The following ATG2A variants were observed in gnomAD, a reference collection of about 807,000 sequenced individuals.
ATG2A encodes autophagy related 2A.
Under a neutral mutation model 214.2 loss-of-function variants are expected in ATG2A, and 103 were observed. The ratio of observed to expected loss-of-function variants is 0.48; its 90% CI spans 0.41 to 0.57. The LOEUF (loss-of-function observed/expected upper bound fraction) is 0.57. Ranked by LOEUF, ATG2A falls within the 20% of genes least tolerant of loss-of-function variation. The pLI is 0.00. For missense variants in ATG2A, 2,312 were observed against 2,613.2 expected (o/e 0.88, Z 2.51); for synonymous variants, 1,160 against 1,142.1 (o/e 1.02, Z -0.32).
chr11:64,906,635 C>A (rs1944563548), intron 20 of ATG2A, 30 bp downstream of exon 20: 1 of 1,612,566 alleles, frequency 6.2e-7, no homozygotes, highest in Non-Finnish European at 8.5e-7. Flanking sequence ...ACCCTGGACC[C>A]CAGTGGTGAC....
chr11:64,906,952 G>A, intron 19 of ATG2A, 137 bp from the exon 20 acceptor site: 3 of 1,140,050 alleles, frequency 2.6e-6, no homozygotes, highest in Non-Finnish European at 3.6e-6. Flanking sequence ...TGGAGGCCCT[G>A]GATGGCACTT....
At chr11:64,911,792 T>TC (rs1218873175) in intron 9 of ATG2A, 50 bp downstream of exon 9, 1 of 1,607,700 alleles carries the variant, frequency 6.2e-7, no homozygotes, top group African/African-American at 1.3e-5. Context: ...CACTAAGGCC[T>TC]CTTCCAGTCC....
chr11:64,905,438 C>T (rs956349025), intron 24 of ATG2A, 125 bp downstream of exon 24: 1 of 1,090,450 alleles, frequency 9.2e-7, no homozygotes. Context: ...AAACAATCCA[C>T]ATTCCTGAGA....
In ATG2A at chr11:64,903,762, C is replaced by T. The variant is rs1944443978; in HGVS notation, c.3465-102G>A. The stretch of plus-strand genomic sequence containing the variant: ...CCAAGCCCACAGGAGGTGGTATGGA[C>T]AGGCCCCTCCAGCCTCAGCGTTCCT... On this transcript the variant is annotated intron_variant, in intron 24 of 40. Transcript: ENST00000377264. The surrounding 1 kb of genome is among the most constrained non-coding windows in gnomAD (Gnocchi z 4.2). 8.9e-7 allele frequency: 1 copy of T among 1,118,182 alleles called. No homozygotes were observed. Among genetic ancestry groups the T allele is most frequent in the Non-Finnish European group, 1.3e-6 (1 of 790,532 alleles). The allele number at this position is 1,118,182 out of a possible 1,614,324, so 69.3% of individuals were successfully genotyped here. A position where few individuals can be genotyped will look rare whatever the true frequency, so the allele number is the denominator to read the frequency against.
At chr11:64,896,152 C>T (rs1174458461) in intron 39 of ATG2A, among the ~76,000 whole-genome samples, 2 of 152,234 alleles carry the variant, frequency 1.3e-5, no homozygotes, top group Non-Finnish European at 2.9e-5. Context: ...GCCTCAGATT[C>T]TTAGTCTGCA....
In ATG2A at chr11:64,898,784, C is replaced by G; in HGVS notation, c.4523G>C (p.Ser1508Thr). 1 of 1,613,778 alleles carries G rather than the reference C, an allele frequency of 6.2e-7. No homozygotes were observed. The highest frequency in any genetic ancestry group is 8.5e-7 in the Non-Finnish European group (1 of 1,180,028). The change falls in exon 32 of 41, where the codon AGC (serine) becomes ACC (threonine). Residue 1508 changes from serine (S) to threonine (T), a missense_variant. Physicochemically the swap from Ser to Thr is moderately conservative, Grantham distance 58. Coordinates refer to ENST00000377264, the MANE Select transcript of ATG2A (RefSeq NM_015104.3). The surrounding 1 kb of genome is among the most constrained non-coding windows in gnomAD (Gnocchi z 4.5). ...CAGCGGTCGCTCCTCCAGCTCCTGG[C>G]TGGGGGCCGCAGGGCCTGTGGCTGG... ...AEPATGPAAP[S>T]QELEERPLSR...
intron 37 of ATG2A, 200 bp downstream of exon 37, chr11:64,897,212 G>C (rs139099606): frequency 2.6e-5 from 17 of 653,140 alleles, no homozygotes; most frequent in Admixed American, 5.9e-5. Flanking sequence ...GAGACGGGGG[G>C]GTTTCACCAT....
At chr11:64,908,843 G>T in intron 16 of ATG2A, 148 bp downstream of exon 16, 1 of 845,272 alleles carries the variant, frequency 1.2e-6, no homozygotes, top group Non-Finnish European at 1.8e-6. Context: ...GAATGGAAGA[G>T]CCGAAATCCT....
rs77802938 is a variant in ATG2A, at chr11:64,895,377, A to G, written c.5493T>C (p.Asp1831=). The G allele has an allele frequency of 0.046, 74,488 of 1,612,430 alleles. 2,221 individuals carry two copies. Among genetic ancestry groups the G allele is most frequent in the African/African-American group, 0.1 (7,604 of 75,012 alleles). The change falls in exon 40 of 41, where the codon GAT becomes GAC. Residue 1831 remains aspartate, a synonymous_variant. Transcript: ENST00000377264. This position sits in a 1 kb window ranked among gnomAD's most constrained non-coding sequence, Gnocchi z 5.0. The part of the protein sequence containing the change: ...PAAPVSRSLQ[D]KRSARRLRRG... ...TGCGCAGCCTCCGCGCAGAGCGCTTATCCTGCAGGGAGCGGGAGACGGGGG... is the reference window on the plus strand; with the variant it reads ...TGCGCAGCCTCCGCGCAGAGCGCTTGTCCTGCAGGGAGCGGGAGACGGGGG...
Position 64,903,410 on chromosome 11 carries a change from G to T in ATG2A, c.3536-46C>A. The stretch of plus-strand genomic sequence containing the variant: ...AGGTCCTGTGGCCCCCTTCCACCCG[G>T]CCCCGGCCCCAGCACCTGGGGGAAG... On this transcript the variant is annotated intron_variant, in intron 25 of 40. Coordinates refer to ENST00000377264, the MANE Select transcript of ATG2A (RefSeq NM_015104.3). The surrounding 1 kb of genome is among the most constrained non-coding windows in gnomAD (Gnocchi z 4.2). The T allele has an allele frequency of 6.2e-7, 1 of 1,601,894 alleles. No individual in the cohort carries two copies. Among genetic ancestry groups the T allele is most frequent in the Non-Finnish European group, 8.5e-7 (1 of 1,170,236 alleles).
rs757267646 is a variant in ATG2A at position 64,907,624 on chromosome 11, G to A, written c.2548C>T (p.Leu850Phe). 6.3e-7 allele frequency: 1 copy of A among 1,595,954 alleles called. No individual in the cohort carries two copies. The highest frequency in any genetic ancestry group is 1.1e-5 in the South Asian group (1 of 89,134). Reference protein sequence around the residue: ...DLLMWEPADLLPTPDPAAQPS... With the variant: ...DLLMWEPADLFPTPDPAAQPS... The stretch of plus-strand genomic sequence containing the variant: ...TGGGCGGCGGGGTCGGGGGTGGGAA[G>A]CAGATCTGCAGGCTCCCACATGAGC... Residue 850 changes from leucine to phenylalanine, a missense_variant, in exon 18 of 41, where the codon CTT (leucine) becomes TTT (phenylalanine). By Grantham distance (22) the Leu-to-Phe change is conservative. Transcript: ENST00000377264.
chr11:64,906,762 C>T lies in ATG2A; in HGVS notation c.2886G>A (p.Met962Ile). Residue 962 changes from methionine to isoleucine, a missense_variant, in exon 20 of 41, where the codon ATG becomes ATA. Physicochemically the swap from Met to Ile is conservative, Grantham distance 10. Coordinates refer to ENST00000377264, the MANE Select transcript of ATG2A (RefSeq NM_015104.3). ...AGACGCTGAAGAGGGTACCGTGCTC[C>T]ATGTCCAGCACCAGCTCCCCGTGCA... ...EAVHGELVLD[M>I]EHGTLFSVSQ... is the part of the protein sequence containing the mutation. 10 of 1,613,496 alleles carry T rather than the reference C, an allele frequency of 6.2e-6. No homozygotes were observed. Among genetic ancestry groups the T allele is most frequent in the African/African-American group, 1.3e-5 (1 of 75,056 alleles).
chr11:64,898,337 G>A lies in ATG2A; in HGVS notation c.4697C>T (p.Ala1566Val), dbSNP rs754692280. ...AGGCCCACCCAGGTTGGTAGTGGGG[G>A]CCACATGCAGCGCTTTGATGGTGAG... Reference protein sequence around the residue: ...NMLTIKALHVAPTTNLGGPEC... With the variant: ...NMLTIKALHVVPTTNLGGPEC... The change falls in exon 33 of 41, where the codon GCC (alanine) becomes GTC (valine). Residue 1566 changes from alanine to valine, a missense_variant. By Grantham distance (64) the Ala-to-Val change is moderately conservative (BLOSUM62 0). Transcript: ENST00000377264. This position sits in a 1 kb window ranked among gnomAD's most constrained non-coding sequence, Gnocchi z 4.5. 5 of 1,607,932 alleles carry A rather than the reference G, an allele frequency of 3.1e-6. No homozygotes were observed. The highest frequency in any genetic ancestry group is 1.3e-5 in the African/African-American group (1 of 74,656).
chr11:64,901,422 A>G (rs189040256), intron 29 of ATG2A, among the ~76,000 whole-genome samples: 10 of 152,226 alleles, frequency 6.6e-5, no homozygotes, highest in African/African-American at 2.4e-4. Flanking sequence ...GCTGGACTCA[A>G]GCAATTCTCC....
intron 30 of ATG2A, 124 bp downstream of exon 30, chr11:64,900,760 G>A: frequency 6.9e-7 from 1 of 1,443,374 alleles, no homozygotes; most frequent in Non-Finnish European, 9.1e-7. Flanking sequence ...GATAAGGAAG[G>A]ATGAGGAAAC....
Position 64,910,147 on chromosome 11 carries a change from G to C in ATG2A, c.1756C>G (p.Leu586Val). 3 of 1,611,190 alleles carry C rather than the reference G, an allele frequency of 1.9e-6. No individual in the cohort carries two copies. The highest frequency in any genetic ancestry group is 2.5e-6 in the Non-Finnish European group (3 of 1,179,294). The change falls in exon 13 of 41, where the codon CTG (leucine) becomes GTG (valine). Residue 586 changes from leucine (L) to valine (V), a missense_variant. By Grantham distance (32) the Leu-to-Val change is conservative (BLOSUM62 1). Transcript: ENST00000377264. ...VACHCHSELA[L>V]DLANFQADVE... The stretch of plus-strand genomic sequence containing the variant: ...TCCGCCTGGAAGTTGGCCAGGTCCA[G>C]GGCCAGTTCTGAGTGGCAATGGCAG...
At position 64,902,547 on chromosome 11, in the gene ATG2A, G is replaced by A. The variant is rs1472071580; in HGVS notation, c.3746C>T (p.Pro1249Leu). 2.6e-6 allele frequency: 4 copies of A among 1,546,216 alleles called. No individual in the cohort carries two copies. In the South Asian group the frequency reaches 3.6e-5, roughly 14 times the overall value. ...GCCGGCGATCTCCGTGGGGCTGGGGGGCCGGGGTGGGGGGTGCAGATCGCC... is the reference window on the plus strand; with the variant it reads ...GCCGGCGATCTCCGTGGGGCTGGGGAGCCGGGGTGGGGGGTGCAGATCGCC... ...STGDLHPPPR[P>L]PSPTEIAGQK... Residue 1249 changes from proline to leucine, a missense_variant, in exon 27 of 41, where the codon CCC (proline) becomes CTC (leucine). Physicochemically the swap from Pro to Leu is moderately conservative, Grantham distance 98. Coordinates refer to ENST00000377264, the MANE Select transcript of ATG2A (RefSeq NM_015104.3).
intron 31 of ATG2A, among the ~76,000 whole-genome samples, chr11:64,899,439 C>T (rs7113740): frequency 0.05 from 7,674 of 152,218 alleles, 618 homozygotes; most frequent in African/African-American, 0.17. Context: ...GCCCCCTGCT[C>T]TGACACTCAT....
chr11:64,907,574 T>C lies in ATG2A; in HGVS notation c.2598A>G (p.Ser866=), dbSNP rs1034322871. Residue 866 remains serine, a synonymous_variant, in exon 18 of 41, where the codon TCA becomes TCG. Transcript: ENST00000377264. ...TCTTAAAGCTGTCGTGCCAGAAGCCTGAGGGGCCGGGGAAGCCCGAGGGCT... is the reference window on the plus strand; with the variant it reads ...TCTTAAAGCTGTCGTGCCAGAAGCCCGAGGGGCCGGGGAAGCCCGAGGGCT... ...AAQPSGFPGP[S]GFWHDSFKMC... is the part of the protein sequence containing the mutation. 16 of 1,386,976 alleles carry C rather than the reference T, an allele frequency of 1.2e-5. No homozygotes were observed. In the East Asian group the frequency reaches 4.1e-4, roughly 35 times the overall value. 85.9% of individuals were successfully genotyped at this position (1,386,976 alleles called of 1,614,324 possible). A position where few individuals can be genotyped will look rare whatever the true frequency, so the allele number is the denominator to read the frequency against.
Sources: gnomAD v4.1 joint callset for allele counts (sites outside exome capture counted in the v4.1 genomes callset) on GRCh38, gnomAD v4.1.1 for gene constraint, Gnocchi (gnomAD v3.1) non-coding constraint, MANE v1.5 for transcripts, NCBI Gene and HGNC (gene_info 2026-07-23, HGNC 2026-07-21) for gene names.